Variants in RNF128 observed in about 807,000 individuals in gnomAD.
RNF128 encodes the protein ring finger protein 128, also known as E3 ubiquitin-protein ligase RNF128.
In RNF128, 13 loss-of-function variants were observed where a neutral mutation model predicts 26.2. That is an observed-to-expected ratio of 0.50 (90% CI 0.32 to 0.79). RNF128 has a LOEUF of 0.79. RNF128 is among the 30% of genes least tolerant of loss of function. The pLI is 0.03. For synonymous variants in RNF128, 149 were observed against 142.5 expected (o/e 1.05, Z -0.32); for missense variants, 315 against 349.7 (o/e 0.90, Z 0.79).
upstream of RNF128, among the ~76,000 whole-genome samples, chrX:106,724,246 C>T (rs747130799): frequency 3.6e-5 from 4 of 111,063 alleles, no homozygotes; most frequent in African/African-American, 6.6e-5. Flanking sequence ...AAGAACATTC[C>T]CATTCTGCCC....
intron 2 of RNF128, among the ~76,000 whole-genome samples, chrX:106,778,863 T>G (rs1259521644): frequency 1.8e-5 from 2 of 112,178 alleles, no homozygotes; most frequent in African/African-American, 6.5e-5. Flanking sequence ...ATCTAAACTA[T>G]TTCTGGTTAC....
intron 1 of RNF128, among the ~76,000 whole-genome samples, chrX:106,718,637 G>A (rs890380780): frequency 9.1e-6 from 1 of 110,252 alleles, no homozygotes; most frequent in South Asian, 3.9e-4. Context: ...TGATGTTCCC[G>A]TTAGTATTTT....
At chrX:106,791,772 A>G (rs1930830048) in intron 6 of RNF128, among the ~76,000 whole-genome samples, 1 of 111,457 alleles carries the variant, frequency 9.0e-6, no homozygotes, top group South Asian at 3.7e-4. Flanking sequence ...TCATTTTCAA[A>G]ATTCATGTGA....
At chrX:106,725,337 T>C (rs777257225), upstream of RNF128, among the ~76,000 whole-genome samples, 1 of 112,118 alleles carries the variant, frequency 8.9e-6, no homozygotes, top group East Asian at 2.8e-4. Context: ...TGGTATATGA[T>C]GTTAATTTTC....
At chrX:106,734,078 T>A (rs756804506) in intron 1 of RNF128, among the ~76,000 whole-genome samples, 15 of 111,941 alleles carry the variant, frequency 1.3e-4, no homozygotes, top group African/African-American at 4.5e-4. Flanking sequence ...TTTTGTATAC[T>A]GCTTTCTATT....
At chrX:106,734,593 T>G (rs1929557754) in intron 1 of RNF128, among the ~76,000 whole-genome samples, 1 of 111,650 alleles carries the variant, frequency 9.0e-6, no homozygotes. Flanking sequence ...GAATAAATAA[T>G]TTTTGTATAT....
At chrX:106,743,429 A>G (rs941004168) in intron 1 of RNF128, among the ~76,000 whole-genome samples, 1 of 111,914 alleles carries the variant, frequency 8.9e-6, no homozygotes, top group Non-Finnish European at 1.9e-5. Flanking sequence ...ACTGGGATCT[A>G]TGTAACACAG....
At chrX:106,696,172 G>A (rs1314635714) in intron 1 of RNF128, among the ~76,000 whole-genome samples, 1 of 111,764 alleles carries the variant, frequency 8.9e-6, no homozygotes, top group East Asian at 2.8e-4. Flanking sequence ...ATAGCATAAT[G>A]ATCATAACTG....
intron 1 of RNF128, among the ~76,000 whole-genome samples, chrX:106,767,044 C>G (rs1057105009): frequency 9.0e-5 from 10 of 111,242 alleles, no homozygotes; most frequent in African/African-American, 2.6e-4. Flanking sequence ...GGTATTATTT[C>G]TGAGGGCTCT....
exon 1 of RNF128, chrX:106,694,235 G>T (rs767571463): frequency 8.3e-7 from 1 of 1,210,956 alleles, no homozygotes; most frequent in East Asian, 3.0e-5. Flanking sequence ...TACCAAGCTT[G>T]TGACCACAAC....
At chrX:106,782,703 AAACTGTATAAC>A (rs1438384864) in intron 2 of RNF128, among the ~76,000 whole-genome samples, 2 of 112,066 alleles carry the variant, frequency 1.8e-5, no homozygotes, top group Non-Finnish European at 3.8e-5. Context: ...AATATATTTT[AAACTGTATAAC>A]AACTGTATAT....
chrX:106,791,591 G>T (rs1294368535), intron 6 of RNF128, among the ~76,000 whole-genome samples: 1 of 110,825 alleles, frequency 9.0e-6, no homozygotes, highest in African/African-American at 3.3e-5. Flanking sequence ...TTAAAATAAA[G>T]GAGTTCTGAA....
chrX:106,735,990 AC>A (rs1929591018), intron 1 of RNF128, among the ~76,000 whole-genome samples: 1 of 109,315 alleles, frequency 9.1e-6, no homozygotes, highest in African/African-American at 3.3e-5. Flanking sequence ...AGGCCTGCTT[AC>A]CCTCATTAGC....
chrX:106,796,400 T>G lies in RNF128; in HGVS notation c.*687T>G, dbSNP rs1930918529. On this transcript the variant is annotated 3_prime_UTR_variant, in exon 7 of 7. Transcript: ENST00000255499. ...CAAAAAATTCCTTACAAAAATACTG[T>G]GTAACTATTTCTCAAACTTGTGGGA... 1 of 111,938 alleles carries G rather than the reference T, an allele frequency of 8.9e-6. No homozygotes were observed. Among genetic ancestry groups the G allele is most frequent in the African/African-American group, 3.2e-5 (1 of 30,846 alleles). The allele number at this position is 111,938 out of a possible 1,213,427, so 9.2% of individuals were successfully genotyped here.
At chrX:106,778,160 T>A (rs1254825058) in intron 2 of RNF128, among the ~76,000 whole-genome samples, 1 of 111,315 alleles carries the variant, frequency 9.0e-6, no homozygotes, top group Non-Finnish European at 1.9e-5. Context: ...TGTCAAAAGC[T>A]ATATGTGGAG....
At chrX:106,754,410 C>CTCTT (rs1929959719) in intron 1 of RNF128, among the ~76,000 whole-genome samples, 1 of 35,758 alleles carries the variant, frequency 2.8e-5, no homozygotes, top group African/African-American at 1.3e-4. Flanking sequence ...TTTTCTTTCT[C>CTCTT]TTTTTTTTTT....
chrX:106,785,803 A>G (rs764740512), intron 3 of RNF128, among the ~76,000 whole-genome samples: 1 of 112,601 alleles, frequency 8.9e-6, no homozygotes, highest in East Asian at 2.8e-4. Context: ...GAAAACTACC[A>G]TTCATGGGTA....
At chrX:106,781,709 TACTC>T (rs1930567732) in intron 2 of RNF128, among the ~76,000 whole-genome samples, 1 of 112,046 alleles carries the variant, frequency 8.9e-6, no homozygotes, top group Non-Finnish European at 1.9e-5. Context: ...CTATTGAAAA[TACTC>T]AAATTTTCTT....
intron 1 of RNF128, among the ~76,000 whole-genome samples, chrX:106,740,356 A>G (rs962469001): frequency 1.6e-4 from 18 of 111,504 alleles, no homozygotes; most frequent in Non-Finnish European, 5.6e-5. Context: ...TAAGGTACAG[A>G]GTACAGGTAC....
Sources: allele counts gnomAD v4.1 joint callset (sites outside exome capture counted in the v4.1 genomes callset), GRCh38; gene constraint gnomAD v4.1.1; transcripts MANE v1.5; gene names NCBI Gene and HGNC (gene_info 2026-07-23, HGNC 2026-07-21).